Variants in ULK4 observed in about 807,000 individuals in gnomAD.
ULK4 encodes the protein inactive serine/threonine-protein kinase ULK4.
In ULK4, 133 loss-of-function variants were observed where a neutral mutation model predicts 160.6. That is an observed-to-expected ratio of 0.83 (90% CI 0.72 to 0.96). The LOEUF is 0.96. Ranked by LOEUF, ULK4 falls within the 40% of genes least tolerant of loss-of-function variation. ULK4 has a pLI of 0.00. For missense variants in ULK4, 1,580 were observed against 1,499.5 expected, an observed-to-expected ratio of 1.05 and a Z score of -0.89; for synonymous variants, 534 against 539.8, an observed-to-expected ratio of 0.99 and a Z score of 0.15.
intron 34 of ULK4, among the ~76,000 whole-genome samples, chr3:41,404,056 G>C (rs971862745): frequency 6.6e-6 from 1 of 152,038 alleles, no homozygotes; most frequent in Non-Finnish European, 1.5e-5. Context: ...AAAAAAATGC[G>C]TATTCTGTTG....
At chr3:41,952,552 C>CAA (rs148364976) in intron 2 of ULK4, among the ~76,000 whole-genome samples, 3 of 150,602 alleles carry the variant, frequency 2.0e-5, no homozygotes, top group East Asian at 3.9e-4. Flanking sequence ...TGGTTACTGT[C>CAA]AAAAAAAAAG....
Position 41,582,465 on chromosome 3 carries a change from T to C in ULK4, c.3121-16335A>G, listed in dbSNP as rs35679098. Among the ~76,000 whole-genome samples the C allele has an allele frequency of 3.8e-3, 585 of 152,262 alleles. 24 individuals are homozygous for C. Among genetic ancestry groups the C allele is most frequent in the Admixed American group, 0.031 (468 of 15,294 alleles). On this transcript the variant is annotated intron_variant, in intron 31 of 36. Coordinates refer to ENST00000301831, the MANE Select transcript of ULK4 (RefSeq NM_017886.4). ...ATACACTGTCATTATAAATCAGAGA[T>C]ATCACCTATATTATGTCTGCATAGA...
In ULK4 at chr3:41,379,016, G is replaced by T. The variant is rs181749083; in HGVS notation, c.3678+19063C>A. On this transcript the variant is annotated intron_variant, in intron 35 of 36. Coordinates refer to ENST00000301831, the MANE Select transcript of ULK4 (RefSeq NM_017886.4). ...TGGGAGCTGAACAATGAGAGCATATGTTCACAGGAAGGGGAACATCACACA... is the reference window on the plus strand; with the variant it reads ...TGGGAGCTGAACAATGAGAGCATATTTTCACAGGAAGGGGAACATCACACA... Among the ~76,000 whole-genome samples the T allele has an allele frequency of 4.1e-3, 628 of 152,056 alleles. 3 individuals carry two copies. Among genetic ancestry groups the T allele is most frequent in the Non-Finnish European group, 5.6e-3 (381 of 67,972 alleles).
At chr3:41,477,127 G>T (rs534289249) in intron 32 of ULK4, among the ~76,000 whole-genome samples, 12 of 152,204 alleles carry the variant, frequency 7.9e-5, no homozygotes, top group African/African-American at 2.9e-4. Flanking sequence ...TTAATTCAAA[G>T]AACCCAAGAA....
At chr3:41,724,800 C>A (rs1323484429) in intron 22 of ULK4, among the ~76,000 whole-genome samples, 1 of 152,146 alleles carries the variant, frequency 6.6e-6, no homozygotes, top group Non-Finnish European at 1.5e-5. Context: ...TTAATCACAG[C>A]CATTCTAGTG....
chr3:41,813,812 C>G (rs553627434), intron 19 of ULK4, among the ~76,000 whole-genome samples: 1 of 152,174 alleles, frequency 6.6e-6, no homozygotes, highest in Non-Finnish European at 1.5e-5. Flanking sequence ...AGGTGGGCAA[C>G]GTGTGTGGAA....
intron 32 of ULK4, among the ~76,000 whole-genome samples, chr3:41,531,369 A>T (rs1209948855): frequency 2.3e-5 from 3 of 131,722 alleles, no homozygotes; most frequent in African/African-American, 8.4e-5. Flanking sequence ...TGAACCTGGG[A>T]GGCAGAGCTT....
chr3:41,952,101 GAACA>G (rs1317971714), intron 2 of ULK4, among the ~76,000 whole-genome samples: 1 of 151,964 alleles, frequency 6.6e-6, no homozygotes, highest in African/African-American at 2.4e-5. Flanking sequence ...ACTATCAGAA[GAACA>G]AATAGGACAA....
intron 27 of ULK4, among the ~76,000 whole-genome samples, chr3:41,692,243 G>A (rs1044010362): frequency 3.2e-4 from 48 of 151,978 alleles, no homozygotes; most frequent in Middle Eastern, 3.4e-3. Context: ...GAGCCACCGC[G>A]CCGGCCCATT....
In ULK4 at chr3:41,819,503, C is replaced by A. The variant is rs749653797; in HGVS notation, c.1768G>T (p.Glu590Ter). The A allele has an allele frequency of 6.3e-7, 1 of 1,590,808 alleles. No homozygotes were observed. Among genetic ancestry groups the A allele is most frequent in the East Asian group, 2.2e-5 (1 of 44,712 alleles). Residue 590 changes from glutamate to a stop codon, truncating the protein, a stop_gained, in exon 19 of 37, where the codon GAA becomes TAA. Coordinates refer to ENST00000301831, the MANE Select transcript of ULK4 (RefSeq NM_017886.4). LOFTEE classifies it high-confidence loss of function. ...ELIYLVATQEEKKKNPRECWA... is the reference protein window; with the variant it reads ...ELIYLVATQE ...CACTCTCTAGGGTTCTTTTTTTTTT[C>A]TTCCTAAAATGAAGTGGGAAAAAAA...
At chr3:41,665,571 T>C (rs921353030) in intron 29 of ULK4, among the ~76,000 whole-genome samples, 1 of 152,164 alleles carries the variant, frequency 6.6e-6, no homozygotes, top group South Asian at 2.1e-4. Context: ...TTTAAAATTA[T>C]AGTAGTTAAA....
At chr3:41,541,947 T>C (rs886961296) in intron 32 of ULK4, among the ~76,000 whole-genome samples, 3 of 152,200 alleles carry the variant, frequency 2.0e-5, no homozygotes, top group African/African-American at 4.8e-5. Context: ...AAATATACTA[T>C]CATGTCATCT....
chr3:41,510,866 C>T (rs879470073), intron 32 of ULK4, among the ~76,000 whole-genome samples: 1 of 152,116 alleles, frequency 6.6e-6, no homozygotes, highest in African/African-American at 2.4e-5. Context: ...TAAATGCCTA[C>T]ATCAAAAAGT....
chr3:41,684,212 C>A (rs542958107), intron 27 of ULK4, among the ~76,000 whole-genome samples: 1 of 152,296 alleles, frequency 6.6e-6, no homozygotes, highest in South Asian at 2.1e-4. Flanking sequence ...GAAAGGCAAC[C>A]CAGAAATCTG....
At position 41,544,163 on chromosome 3, in the gene ULK4, G is replaced by A. The variant is rs376137530; in HGVS notation, c.3226+21862C>T. Among the ~76,000 whole-genome samples the A allele has an allele frequency of 5.4e-4, 81 of 151,046 alleles. No individual in the cohort carries two copies. In the South Asian group the frequency reaches 0.016, roughly 31 times the overall value. ...TATAATGTGTCAACACTGGAAATCA[G>A]ACCCTCCCACTGAGGATATTTTGTT... is the stretch of plus-strand genomic sequence containing the variant. On this transcript the variant is annotated intron_variant, in intron 32 of 36. Coordinates refer to ENST00000301831, the MANE Select transcript of ULK4 (RefSeq NM_017886.4).
intron 16 of ULK4, among the ~76,000 whole-genome samples, chr3:41,885,959 T>TGA (rs1411013611): frequency 6.6e-6 from 1 of 152,074 alleles, no homozygotes; most frequent in African/African-American, 2.4e-5. Context: ...ATTACAGGTG[T>TGA]GAGCTACTGC....
At chr3:41,291,305 A>G (rs112543033) in intron 35 of ULK4, among the ~76,000 whole-genome samples, 18 of 151,220 alleles carry the variant, frequency 1.2e-4, no homozygotes, top group African/African-American at 3.9e-4. Context: ...ATAAGAGGAA[A>G]GAAAGGAAGG....
At chr3:41,403,315 T>C (rs564470228) in intron 34 of ULK4, among the ~76,000 whole-genome samples, 216 of 152,304 alleles carry the variant, frequency 1.4e-3, no homozygotes, top group African/African-American at 4.9e-3. Context: ...AGTGTTCATG[T>C]TGGTTGAGTT....
intron 17 of ULK4, among the ~76,000 whole-genome samples, chr3:41,842,138 A>C (rs1452979554): frequency 7.3e-6 from 1 of 137,062 alleles, no homozygotes; most frequent in Admixed American, 7.1e-5. Flanking sequence ...ATCAATAAAT[A>C]CAAAAAAAAA....
Sources: gnomAD v4.1 joint callset for allele counts (sites outside exome capture counted in the v4.1 genomes callset) on GRCh38, gnomAD v4.1.1 for gene constraint, MANE v1.5 for transcripts, NCBI Gene and HGNC (gene_info 2026-07-23, HGNC 2026-07-21) for gene names.